PRRC2B: variants seen among roughly 807,000 people sequenced by gnomAD.
PRRC2B encodes the protein protein PRRC2B.
PRRC2B carries 68 observed loss-of-function variants against 242.3 expected under a neutral mutation model. The ratio of observed to expected loss-of-function variants is 0.28; its 90% CI spans 0.23 to 0.34. PRRC2B has a LOEUF of 0.34. PRRC2B is among the 10% of genes least tolerant of loss of function. The pLI is 1.00. For synonymous variants in PRRC2B, 1,228 were observed against 1,173.6 expected, an observed-to-expected ratio of 1.05 and a Z score of -0.95; for missense variants, 2,835 against 2,954.8, an observed-to-expected ratio of 0.96 and a Z score of 0.94.
chr9:131,477,900 G>A lies in PRRC2B; in HGVS notation c.4563G>A (p.Arg1521=), dbSNP rs756589363. The part of the protein sequence containing the change: ...AEKEAKLAAP[R]AGEQGEAMKQ... ...AGGAGGCCAAGTTGGCTGCTCCGAG[G>A]GCAGGTGAACAGGGAGAGGCCATGA... Residue 1521 remains arginine (R), a synonymous_variant, in exon 17 of 32, where the codon AGG becomes AGA. Transcript: ENST00000683519. The A allele has an allele frequency of 4.3e-6, 7 of 1,614,044 alleles. No homozygotes were observed. Among genetic ancestry groups the A allele is most frequent in the South Asian group, 1.1e-5 (1 of 91,090 alleles).
At chr9:131,441,695 T>C (rs1017615532) in intron 5 of PRRC2B, among the ~76,000 whole-genome samples, 1 of 152,120 alleles carries the variant, frequency 6.6e-6, no homozygotes, top group Non-Finnish European at 1.5e-5. Context: ...GATTTGAGGG[T>C]GTTGCCCACA....
rs569867922 is a variant in PRRC2B at position 131,465,127 on chromosome 9, C to T, written c.1720+49C>T. ...CCAACTGGAAACCCTGGCCTGTTGT[C>T]CTCGTCTTGTTACTTGCAACTGCCT... On this transcript the variant is annotated intron_variant, in intron 12 of 31. Transcript: ENST00000683519. 1.4e-5 allele frequency: 22 copies of T among 1,530,626 alleles called. No individual in the cohort carries two copies. In the Admixed American group the frequency reaches 4.1e-4, roughly 29 times the overall value. 94.8% of individuals were successfully genotyped at this position (1,530,626 alleles called of 1,614,324 possible).
At chr9:131,414,958 G>C (rs1327289816) in intron 1 of PRRC2B, among the ~76,000 whole-genome samples, 1 of 152,064 alleles carries the variant, frequency 6.6e-6, no homozygotes, top group African/African-American at 2.4e-5. Context: ...TATTTGTATT[G>C]GTTGGATAAT....
chr9:131,484,659 C>G (rs1353597442), intron 23 of PRRC2B, 27 bp from the exon 24 acceptor site: 4 of 1,563,592 alleles, frequency 2.6e-6, no homozygotes, highest in South Asian at 1.2e-5. Context: ...TGTTTGTGTT[C>G]CATGGTTTCC....
At chr9:131,428,916 G>A (rs1384769697) in intron 1 of PRRC2B, among the ~76,000 whole-genome samples, 3 of 152,212 alleles carry the variant, frequency 2.0e-5, no homozygotes, top group Non-Finnish European at 4.4e-5. Context: ...AGTCCTCAGT[G>A]CCTGGCACAC....
chr9:131,415,913 T>C (rs773689602), intron 1 of PRRC2B, among the ~76,000 whole-genome samples: 35 of 152,236 alleles, frequency 2.3e-4, no homozygotes, highest in Non-Finnish European at 3.5e-4. Context: ...CTGGGAACTA[T>C]TTTTGGCATT....
In PRRC2B at chr9:131,476,102, C is replaced by T; in HGVS notation, c.3973C>T (p.Leu1325=). 1 of 1,609,912 alleles carries T rather than the reference C, an allele frequency of 6.2e-7. No individual in the cohort carries two copies. The highest frequency in any genetic ancestry group is 1.1e-5 in the South Asian group (1 of 90,990). The part of the protein sequence containing the change: ...RLRQERESLG[L]WGPEEEPHLL... The stretch of plus-strand genomic sequence containing the variant: ...CCGGCAAGAGCGGGAGTCCCTGGGC[C>T]TGTGGGGACCCGAGGAGGAGCCCCA... Residue 1325 remains leucine, a synonymous_variant, in exon 16 of 32, where the codon CTG becomes TTG. Transcript: ENST00000683519.
At chr9:131,459,464 C>A in intron 11 of PRRC2B, 108 bp downstream of exon 11, 1 of 990,904 alleles carries the variant, frequency 1.0e-6, no homozygotes, top group Non-Finnish European at 1.5e-6. Flanking sequence ...TATATTTCTT[C>A]TTTTGTTAAA....
At chr9:131,429,846 G>T (rs1489590387) in intron 1 of PRRC2B, among the ~76,000 whole-genome samples, 2 of 152,098 alleles carry the variant, frequency 1.3e-5, no homozygotes, top group African/African-American at 4.8e-5. Flanking sequence ...TTAACAGCAG[G>T]TGGGGGTTGG....
intron 1 of PRRC2B, among the ~76,000 whole-genome samples, chr9:131,375,967 TGAACCCAG>T (rs1183462339): frequency 6.8e-6 from 1 of 146,926 alleles, no homozygotes; most frequent in African/African-American, 2.6e-5. Flanking sequence ...GAGAATCACT[TGAACCCAG>T]GAGGCGGAGG....
In PRRC2B at chr9:131,495,865, T is replaced by A; in HGVS notation, c.6681T>A (p.Ser2227Arg). The A allele has an allele frequency of 6.2e-7, 1 of 1,605,526 alleles. No individual in the cohort carries two copies. The highest frequency in any genetic ancestry group is 1.1e-5 in the South Asian group (1 of 90,926). ...IKPRAVKVEESKA is the reference protein window; with the variant it reads ...IKPRAVKVEERKA The stretch of plus-strand genomic sequence containing the variant: ...CTCGGGCTGTCAAAGTGGAGGAGAG[T>A]AAGGCCTGACAGTGCCTGGCTGCCA... The change falls in exon 32 of 32, where the codon AGT (serine) becomes AGA (arginine). Residue 2227 changes from serine to arginine, a missense_variant. Ser to Arg is a moderately radical substitution (Grantham distance 110). This residue lies in a region of PRRC2B where 574 missense variants were observed against 626.0 expected (regional missense o/e 0.92). Transcript: ENST00000683519.
intron 13 of PRRC2B, 118 bp downstream of exon 13, chr9:131,467,871 T>C (rs1464233243): frequency 2.9e-6 from 3 of 1,043,516 alleles, no homozygotes; most frequent in East Asian, 5.2e-5. Context: ...ATATCCCTTA[T>C]GTGCCCCCAA....
intron 9 of PRRC2B, among the ~76,000 whole-genome samples, chr9:131,449,178 A>G (rs891936886): frequency 6.6e-6 from 1 of 152,196 alleles, no homozygotes; most frequent in Admixed American, 6.5e-5. Context: ...CAAAAGCCCC[A>G]CTATATACAT....
chr9:131,452,584 G>T (rs986528525), intron 9 of PRRC2B, among the ~76,000 whole-genome samples: 1 of 148,386 alleles, frequency 6.7e-6, no homozygotes, highest in Non-Finnish European at 1.5e-5. Context: ...CTGATAATTT[G>T]TATATTTCTT....
intron 20 of PRRC2B, among the ~76,000 whole-genome samples, 155 bp downstream of exon 20, chr9:131,481,963 G>A (rs950341250): frequency 6.6e-6 from 1 of 152,218 alleles, no homozygotes; most frequent in Non-Finnish European, 1.5e-5. Context: ...GCTCATCAGT[G>A]GTTTTCCATC....
chr9:131,444,730 C>T (rs1241912226), intron 6 of PRRC2B, among the ~76,000 whole-genome samples: 9 of 152,118 alleles, frequency 5.9e-5, no homozygotes, highest in Admixed American at 4.6e-4. Context: ...ATTTCCAGTC[C>T]TCCCCTCCCC....
intron 1 of PRRC2B, among the ~76,000 whole-genome samples, chr9:131,388,019 C>T (rs1339190962): frequency 4.0e-5 from 6 of 149,844 alleles, no homozygotes; most frequent in Non-Finnish European, 7.4e-5. Flanking sequence ...GGCAAAACCC[C>T]ATCTCTACCT....
chr9:131,483,697 G>C (rs142930358), intron 23 of PRRC2B, among the ~76,000 whole-genome samples: 13 of 152,244 alleles, frequency 8.5e-5, no homozygotes, highest in African/African-American at 3.1e-4. Flanking sequence ...TGCCAGGTGC[G>C]AGCCCAGACT....
intron 1 of PRRC2B, among the ~76,000 whole-genome samples, chr9:131,388,366 G>A (rs200156423): frequency 1.4e-5 from 2 of 146,156 alleles, no homozygotes; most frequent in African/African-American, 5.0e-5. Flanking sequence ...TCAGCCTCCC[G>A]AGTAGCTGGG....
Sources: allele counts gnomAD v4.1 joint callset (sites outside exome capture counted in the v4.1 genomes callset), GRCh38; gene constraint gnomAD v4.1.1; regional missense constraint gnomAD v4.1.1; transcripts MANE v1.5; gene names NCBI Gene and HGNC (gene_info 2026-07-23, HGNC 2026-07-21).